RNF111: variants seen among roughly 807,000 people sequenced by gnomAD.
RNF111 encodes ring finger protein 111, also known as E3 ubiquitin-protein ligase Arkadia.
RNF111 carries 17 observed loss-of-function variants against 95.1 expected under a neutral mutation model. That is an observed-to-expected ratio of 0.18 (90% CI 0.12 to 0.27). RNF111 has a LOEUF of 0.27. RNF111 is among the 10% of genes least tolerant of loss of function. The pLI is 1.00. For missense variants in RNF111, 1,189 were observed against 1,210.4 expected (o/e 0.98, Z 0.26); for synonymous variants, 440 against 414.8 (o/e 1.06, Z -0.74).
At chr15:59,055,614 T>C (rs1272072204) in intron 3 of RNF111, 68 bp from the exon 4 acceptor site, 18 of 1,200,384 alleles carry the variant, frequency 1.5e-5, no homozygotes, top group Non-Finnish European at 2.0e-5. Flanking sequence ...AAGAAAGGCT[T>C]ATGGGTTTTT....
intron 6 of RNF111, among the ~76,000 whole-genome samples, chr15:59,074,884 C>T (rs2043102039): frequency 6.6e-6 from 1 of 152,132 alleles, no homozygotes; most frequent in African/African-American, 2.4e-5. Flanking sequence ...GCAAATCTTC[C>T]TTTCACTTCA....
At chr15:59,015,769 C>T (rs950552452) in intron 1 of RNF111, among the ~76,000 whole-genome samples, 5 of 152,078 alleles carry the variant, frequency 3.3e-5, no homozygotes, top group Admixed American at 1.3e-4. Context: ...ATGTGACTTT[C>T]TTTATGAAGC....
intron 2 of RNF111, among the ~76,000 whole-genome samples, chr15:59,045,424 T>C (rs2041662674): frequency 6.6e-6 from 1 of 152,006 alleles, no homozygotes; most frequent in African/African-American, 2.4e-5. Context: ...CTCCTGACCT[T>C]GTGATCTGCC....
intron 5 of RNF111, among the ~76,000 whole-genome samples, chr15:59,065,227 G>T (rs2042605592): frequency 1.3e-5 from 2 of 152,058 alleles, no homozygotes; most frequent in South Asian, 4.1e-4. Flanking sequence ...CTTCACTCTT[G>T]TAATTTAATC....
At chr15:59,023,238 ACTCAAT>A (rs2040433802) in intron 1 of RNF111, among the ~76,000 whole-genome samples, 1 of 152,178 alleles carries the variant, frequency 6.6e-6, no homozygotes, top group Admixed American at 6.5e-5. Flanking sequence ...ACAGAGCAAG[ACTCAAT>A]CTCAAAGAAA....
At chr15:59,080,791 A>G (rs1363246802) in intron 7 of RNF111, 145 bp from the exon 8 acceptor site, 1 of 619,962 alleles carries the variant, frequency 1.6e-6, no homozygotes, top group African/African-American at 1.8e-5. Context: ...AAGTTGCTTG[A>G]GCAGTTGCTT....
At position 59,092,140 on chromosome 15, in the gene RNF111, T is replaced by G. The variant is rs572272257; in HGVS notation, c.2740-397T>G. 1.5e-4 allele frequency among the ~76,000 whole-genome samples: 23 copies of G among 152,358 alleles called. No homozygotes were observed. In the South Asian group the frequency reaches 4.8e-3, roughly 32 times the overall value. On this transcript the variant is annotated intron_variant, in intron 12 of 13. Transcript: ENST00000348370. ...TTACCAGTACATTCAAGTTTTCAACTGTCCAAGTTAAATACTGTAACTAAT... is the reference window on the plus strand; with the variant it reads ...TTACCAGTACATTCAAGTTTTCAACGGTCCAAGTTAAATACTGTAACTAAT...
chr15:59,084,623 A>G (rs556402020), intron 9 of RNF111, among the ~76,000 whole-genome samples: 3 of 152,306 alleles, frequency 2.0e-5, no homozygotes, highest in East Asian at 1.9e-4. Context: ...TGTGGTGAGT[A>G]TATTTAAAAT....
chr15:59,082,908 A>T (rs1176982028), intron 8 of RNF111, among the ~76,000 whole-genome samples: 1 of 152,210 alleles, frequency 6.6e-6, no homozygotes, highest in African/African-American at 2.4e-5. Flanking sequence ...CTTATCTTCC[A>T]GTAACTGGCA....
chr15:59,090,115 T>C (rs2079007919), intron 11 of RNF111, among the ~76,000 whole-genome samples: 1 of 152,218 alleles, frequency 6.6e-6, no homozygotes, highest in South Asian at 2.1e-4. Context: ...AAAAGAAACT[T>C]AAGTAATTCC....
intron 1 of RNF111, among the ~76,000 whole-genome samples, chr15:59,028,997 C>G (rs572781058): frequency 6.6e-6 from 1 of 152,206 alleles, no homozygotes; most frequent in African/African-American, 2.4e-5. Context: ...CCAGGCTGAT[C>G]TCGAACTCCT....
chr15:59,058,197 G>C (rs1192847903), intron 4 of RNF111, among the ~76,000 whole-genome samples, 159 bp from the exon 5 acceptor site: 1 of 152,118 alleles, frequency 6.6e-6, no homozygotes, highest in East Asian at 1.9e-4. Context: ...CGATATTGCA[G>C]TTTAGCTTTG....
intron 4 of RNF111, 57 bp downstream of exon 4, chr15:59,055,902 T>G (rs559715272): frequency 7.1e-7 from 1 of 1,416,060 alleles, no homozygotes; most frequent in Non-Finnish European, 9.6e-7. Context: ...AAAGGAAATC[T>G]CTTAATATGC....
intron 1 of RNF111, among the ~76,000 whole-genome samples, chr15:59,027,907 C>T (rs1345748888): frequency 5.3e-5 from 8 of 150,962 alleles, no homozygotes; most frequent in Non-Finnish European, 1.2e-4. Context: ...CTCACTACAA[C>T]CTCTGCCTCC....
At chr15:58,999,885 A>G (rs1485815494) in intron 1 of RNF111, among the ~76,000 whole-genome samples, 5 of 152,134 alleles carry the variant, frequency 3.3e-5, no homozygotes, top group Non-Finnish European at 5.9e-5. Context: ...CTTACATGGC[A>G]GGAGCAGGAG....
intron 2 of RNF111, among the ~76,000 whole-genome samples, chr15:59,047,871 AGC>A (rs1196719323): frequency 1.3e-5 from 2 of 152,244 alleles, no homozygotes; most frequent in East Asian, 3.8e-4. Flanking sequence ...CACTGTATCC[AGC>A]CTACTTATTT....
intron 5 of RNF111, among the ~76,000 whole-genome samples, chr15:59,062,941 T>A (rs1247495074): frequency 6.6e-6 from 1 of 152,168 alleles, no homozygotes; most frequent in Non-Finnish European, 1.5e-5. Flanking sequence ...TCCAGTAACA[T>A]CACCTCCCTT....
intron 1 of RNF111, among the ~76,000 whole-genome samples, chr15:59,020,874 T>G (rs1372507247): frequency 3.3e-5 from 5 of 152,250 alleles, no homozygotes; most frequent in African/African-American, 9.6e-5. Context: ...CAAACTTTTG[T>G]GGGAACAGTT....
chr15:59,014,629 T>G (rs76638932), intron 1 of RNF111, among the ~76,000 whole-genome samples: 1,541 of 152,316 alleles, frequency 0.01, 8 homozygotes, highest in Non-Finnish European at 0.015. Flanking sequence ...AGTTGTTAGA[T>G]TCTTCTGTTT....
Sources: gnomAD v4.1 joint callset for allele counts (sites outside exome capture counted in the v4.1 genomes callset) on GRCh38, gnomAD v4.1.1 for gene constraint, MANE v1.5 for transcripts, NCBI Gene and HGNC (gene_info 2026-07-23, HGNC 2026-07-21) for gene names.